P2RY12: variants seen among roughly 807,000 people sequenced by gnomAD.
P2RY12 encodes P2Y purinoceptor 12.
A neutral mutation model predicts 4.5 loss-of-function variants in P2RY12; 3 were observed. The observed-to-expected ratio is 0.67, with a 90% confidence interval of 0.31 to 1.74. The LOEUF is 1.74. Ranked by LOEUF, P2RY12 falls within the 40% of genes most tolerant of loss-of-function variation. The probability of loss-of-function intolerance (pLI) is 0.09; values close to 1 mark genes in which losing one functional copy is unlikely to be tolerated. For missense variants in P2RY12, 356 were observed against 407.8 expected (o/e 0.87, Z 1.09); for synonymous variants, 148 against 154.1 (o/e 0.96, Z 0.29).
At chr3:151,376,268 A>C in intron 1 of P2RY12, 1 of 1,286,172 alleles carries the variant, frequency 7.8e-7, no homozygotes, top group East Asian at 2.7e-5. Context: ...TCGTAATAAT[A>C]AAAAGAGTTA....
At chr3:151,352,702 G>A (rs1245561600) in intron 1 of P2RY12, among the ~76,000 whole-genome samples, 2 of 152,126 alleles carry the variant, frequency 1.3e-5, no homozygotes, top group African/African-American at 2.4e-5. Context: ...ATAGTATAAA[G>A]TTTAAATAAC....
chr3:151,380,074 T>A, intron 1 of P2RY12: 1 of 1,285,544 alleles, frequency 7.8e-7, no homozygotes, highest in Non-Finnish European at 1.1e-6. Flanking sequence ...AATGCATTAT[T>A]TCTAACTAGA....
In P2RY12 at chr3:151,337,007, G is replaced by A. The variant is rs1751088209; in HGVS notation, c.*810C>T. 6.6e-6 allele frequency: 1 copy of A among 151,900 alleles called. No individual in the cohort carries two copies. Among genetic ancestry groups the A allele is most frequent in the Non-Finnish European group, 1.5e-5 (1 of 67,994 alleles). The allele number at this position is 151,900 out of a possible 1,614,324, so 9.4% of individuals were successfully genotyped here. Reference sequence around the variant, plus strand: ...GGTAAAATGTTCATTAACCTAATTAGCAGCTATTTTCTAGAAGCTAATTAA... The same window carrying A: ...GGTAAAATGTTCATTAACCTAATTAACAGCTATTTTCTAGAAGCTAATTAA... On this transcript the variant is annotated 3_prime_UTR_variant, in exon 3 of 3. Transcript: ENST00000302632.
Position 151,337,808 on chromosome 3 carries a change from T to G in P2RY12, c.*9A>C. 1 of 1,612,838 alleles carries G rather than the reference T, an allele frequency of 6.2e-7. No individual in the cohort carries two copies. Among genetic ancestry groups the G allele is most frequent in the South Asian group, 1.1e-5 (1 of 91,042 alleles). ...CAAAGAGATTGAAATATTTCCTTAG[T>G]TAATTTGTTTACATTGGAGTCTCTT... On this transcript the variant is annotated 3_prime_UTR_variant, in exon 3 of 3. Transcript: ENST00000302632.
chr3:151,381,978 GT>G (rs1712451684), intron 1 of P2RY12, among the ~76,000 whole-genome samples: 1 of 152,060 alleles, frequency 6.6e-6, no homozygotes, highest in Non-Finnish European at 1.5e-5. Flanking sequence ...GTGGTTTTTT[GT>G]TTTTGTTTTG....
At chr3:151,377,757 G>A (rs747931846) in intron 1 of P2RY12, among the ~76,000 whole-genome samples, 27 of 152,074 alleles carry the variant, frequency 1.8e-4, no homozygotes, top group Non-Finnish European at 3.5e-4. Flanking sequence ...GGGGGTCATC[G>A]GAAAACATTA....
chr3:151,368,321 G>T (rs2107952144), intron 1 of P2RY12: 2 of 1,348,176 alleles, frequency 1.5e-6, no homozygotes, highest in Non-Finnish European at 1.1e-6. Flanking sequence ...GACCAAATAG[G>T]CTGTCCCTTT....
chr3:151,338,009 C>A lies in P2RY12; in HGVS notation c.837G>T (p.Val279=). 3 of 1,614,114 alleles carry A rather than the reference C, an allele frequency of 1.9e-6. No homozygotes were observed. The highest frequency in any genetic ancestry group is 1.1e-5 in the South Asian group (1 of 91,078). The change falls in exon 3 of 3, where the codon GTG becomes GTT. Residue 279 remains valine (V), a synonymous_variant. Transcript: ENST00000302632. ...AAGTTAACCACAGAGTGCTCTCTTT[C>A]ACATAGAACAGAGTATTTTCAGCAG... is the stretch of plus-strand genomic sequence containing the variant. ...DCTAENTLFY[V]KESTLWLTSL...
At chr3:151,380,247 G>A (rs1214272679) in intron 1 of P2RY12, 2 of 1,424,916 alleles carry the variant, frequency 1.4e-6, no homozygotes, top group African/African-American at 2.9e-5. Flanking sequence ...ATAATATTAA[G>A]ACAGGCAAAT....
chr3:151,380,735 A>C (rs1481393464), intron 1 of P2RY12, among the ~76,000 whole-genome samples: 1 of 152,230 alleles, frequency 6.6e-6, no homozygotes, highest in Non-Finnish European at 1.5e-5. Flanking sequence ...AGATATATAC[A>C]ATAAATGTGT....
intron 1 of P2RY12, among the ~76,000 whole-genome samples, chr3:151,375,084 G>A (rs947316149): frequency 3.3e-5 from 5 of 152,212 alleles, no homozygotes; most frequent in Non-Finnish European, 7.3e-5. Context: ...GCAATTGTGT[G>A]TTGGTTCCCA....
intron 1 of P2RY12, chr3:151,365,262 T>C: frequency 7.1e-7 from 1 of 1,411,044 alleles, no homozygotes; most frequent in East Asian, 2.3e-5. Flanking sequence ...GCCTTGGTGC[T>C]TCTTTGAAAT....
At chr3:151,373,432 C>A (rs1756423897) in intron 1 of P2RY12, among the ~76,000 whole-genome samples, 1 of 152,100 alleles carries the variant, frequency 6.6e-6, no homozygotes, top group African/African-American at 2.4e-5. Flanking sequence ...TTGCAGTAAG[C>A]AATCTTTGAG....
At chr3:151,368,722 T>TTCATG (rs59259466) in intron 1 of P2RY12, among the ~76,000 whole-genome samples, 5 of 80,020 alleles carry the variant, frequency 6.2e-5, no homozygotes, top group East Asian at 3.0e-4. Context: ...TTCATTTCAT[T>TTCATG]TCATTTCATT....
chr3:151,368,689 TATTTC>T (rs1175917645), intron 1 of P2RY12, among the ~76,000 whole-genome samples: 2,233 of 41,904 alleles, frequency 0.053, 61 homozygotes, highest in East Asian at 0.12. Context: ...CATTTCATTT[TATTTC>T]ATTTCATTTC....
intron 1 of P2RY12, chr3:151,376,177 A>C: frequency 6.2e-7 from 1 of 1,600,760 alleles, no homozygotes; most frequent in Non-Finnish European, 8.5e-7. Context: ...ACCGAGGGGG[A>C]CAATCTGCAA....
intron 1 of P2RY12, among the ~76,000 whole-genome samples, chr3:151,371,989 A>T (rs967513637): frequency 6.6e-6 from 1 of 152,066 alleles, no homozygotes; most frequent in Non-Finnish European, 1.5e-5. Flanking sequence ...AGAGGAAGGT[A>T]AAAAAACAGG....
Position 151,338,621 on chromosome 3 carries a change from C to T in P2RY12, c.225G>A (p.Leu75=), listed in dbSNP as rs1427451276. The change falls in exon 3 of 3, where the codon CTG becomes CTA. Residue 75 remains leucine, a synonymous_variant. Coordinates refer to ENST00000302632, the MANE Select transcript of P2RY12 (RefSeq NM_022788.5). ...NTVISDLLMI[L]TFPFKILSDA... ...CACTAAGAATTTTGAATGGAAAAGTCAGAATCATGAGAAGATCAGAAATGA... is the reference window on the plus strand; with the variant it reads ...CACTAAGAATTTTGAATGGAAAAGTTAGAATCATGAGAAGATCAGAAATGA... 3.1e-6 allele frequency: 5 copies of T among 1,613,856 alleles called. No individual in the cohort carries two copies. Among genetic ancestry groups the T allele is most frequent in the Non-Finnish European group, 4.2e-6 (5 of 1,179,958 alleles).
intron 1 of P2RY12, among the ~76,000 whole-genome samples, chr3:151,356,757 G>GCC (rs1560070853): frequency 6.6e-6 from 1 of 151,944 alleles, no homozygotes; most frequent in Admixed American, 6.6e-5. Context: ...GATTTGATTT[G>GCC]CCCCACTGTG....
Sources: allele counts gnomAD v4.1 joint callset (sites outside exome capture counted in the v4.1 genomes callset), GRCh38; gene constraint gnomAD v4.1.1; transcripts MANE v1.5; gene names NCBI Gene and HGNC (gene_info 2026-07-23, HGNC 2026-07-21).